MEP1A: variants seen among roughly 807,000 people sequenced by gnomAD.
MEP1A encodes N-benzoyl-L-tyrosyl-P-amino-benzoic acid hydrolase subunit alpha.
In MEP1A, 68 loss-of-function variants were observed where a neutral mutation model predicts 84.5. The observed-to-expected ratio is 0.80, with a 90% CI of 0.66 to 0.98. The LOEUF is 0.98. Among genes scored for constraint, MEP1A ranks in the 50% least tolerant of loss-of-function variants. The pLI, the probability that MEP1A is intolerant of heterozygous loss-of-function variation, is 0.00. For missense variants in MEP1A, 887 were observed against 919.9 expected, an observed-to-expected ratio of 0.96 and a Z score of 0.46; for synonymous variants, 337 against 336.8, an observed-to-expected ratio of 1.00 and a Z score of -0.01.
intron 11 of MEP1A, among the ~76,000 whole-genome samples, chr6:46,834,368 T>C (rs1415060784): frequency 6.6e-6 from 1 of 152,068 alleles, no homozygotes; most frequent in Non-Finnish European, 1.5e-5. Context: ...CATCTTTCAA[T>C]TCTGAATTGC....
intron 5 of MEP1A, among the ~76,000 whole-genome samples, chr6:46,808,934 G>C (rs1283733073): frequency 6.6e-6 from 1 of 152,038 alleles, no homozygotes; most frequent in Admixed American, 6.6e-5. Context: ...TCCAGAAAGA[G>C]AGAATGTCTT....
chr6:46,827,770 T>G (rs1468888212), intron 9 of MEP1A, among the ~76,000 whole-genome samples: 1 of 152,214 alleles, frequency 6.6e-6, no homozygotes, highest in Non-Finnish European at 1.5e-5. Flanking sequence ...ATTTCTGTTG[T>G]AGCCTCTAAT....
At chr6:46,831,842 C>T (rs553223646) in intron 10 of MEP1A, among the ~76,000 whole-genome samples, 2 of 152,262 alleles carry the variant, frequency 1.3e-5, no homozygotes, top group South Asian at 2.1e-4. Flanking sequence ...CCATGCTCTC[C>T]GCAGGAGAGG....
At chr6:46,834,375 T>C (rs967698985) in intron 11 of MEP1A, among the ~76,000 whole-genome samples, 3 of 152,054 alleles carry the variant, frequency 2.0e-5, no homozygotes, top group Admixed American at 2.0e-4. Flanking sequence ...CAATTCTGAA[T>C]TGCAATTCTC....
At chr6:46,840,868 G>A (rs1768319726), downstream of MEP1A, among the ~76,000 whole-genome samples, 1 of 152,220 alleles carries the variant, frequency 6.6e-6, no homozygotes, top group South Asian at 2.1e-4. Flanking sequence ...ATGGATTTCA[G>A]CTTTGTTTCT....
At chr6:46,830,247 TAAAAAAAAAAAAAAAAAAA>T (rs56033423) in intron 10 of MEP1A, among the ~76,000 whole-genome samples, 3 of 50,092 alleles carry the variant, frequency 6.0e-5, no homozygotes, top group Non-Finnish European at 1.1e-4. Flanking sequence ...AGACTCCATC[TAAAAAAAAAAAAAAAAAAA>T]AAAAAAAAAA....
chr6:46,809,839 T>A (rs986064359), intron 6 of MEP1A, among the ~76,000 whole-genome samples: 12 of 151,210 alleles, frequency 7.9e-5, no homozygotes, highest in African/African-American at 1.5e-4. Flanking sequence ...TTACATATAT[T>A]TTTTTTTCTT....
intron 7 of MEP1A, among the ~76,000 whole-genome samples, chr6:46,822,975 A>G (rs995976817): frequency 6.6e-6 from 1 of 152,176 alleles, no homozygotes; most frequent in Non-Finnish European, 1.5e-5. Context: ...CATTACCTCA[A>G]ATGACATCCT....
intron 13 of MEP1A, among the ~76,000 whole-genome samples, chr6:46,836,329 C>T (rs1406536730): frequency 6.6e-6 from 1 of 152,182 alleles, no homozygotes; most frequent in Non-Finnish European, 1.5e-5. Flanking sequence ...ATGACAGAAG[C>T]AACAGTTCCA....
chr6:46,815,632 T>C (rs1399670740), intron 6 of MEP1A, among the ~76,000 whole-genome samples: 3 of 152,232 alleles, frequency 2.0e-5, no homozygotes, highest in Non-Finnish European at 2.9e-5. Context: ...TCCTGGTATG[T>C]TCCTGCAGTA....
the MEP1A span, among the ~76,000 whole-genome samples, chr6:46,845,967 A>T: frequency 6.6e-6 from 1 of 152,222 alleles, no homozygotes; most frequent in Non-Finnish European, 1.5e-5. Flanking sequence ...AAAATTAAAT[A>T]AAATTATGTA....
the MEP1A span, among the ~76,000 whole-genome samples, chr6:46,844,954 A>T: frequency 6.6e-6 from 1 of 152,110 alleles, no homozygotes; most frequent in Non-Finnish European, 1.5e-5. Context: ...ATGAGAGCTG[A>T]TGTTTTTAAA....
intron 6 of MEP1A, among the ~76,000 whole-genome samples, chr6:46,812,177 A>G (rs1189353755): frequency 4.6e-5 from 7 of 152,034 alleles, no homozygotes; most frequent in South Asian, 2.1e-4. Context: ...AAGAGATTCT[A>G]TATATTCCTG....
Position 46,829,477 on chromosome 6 carries a change from G to T in MEP1A, c.1050G>T (p.Met350Ile). Residue 350 changes from methionine (M) to isoleucine (I), a missense_variant, in exon 10 of 14, where the codon ATG (methionine) becomes ATT (isoleucine). Coordinates refer to ENST00000230588, the MANE Select transcript of MEP1A (RefSeq NM_005588.3). Reference protein sequence around the residue: ...KQQCLQFFYKMTGSPSDRLVV... With the variant: ...KQQCLQFFYKITGSPSDRLVV... ...AGTGCCTGCAATTTTTCTATAAAAT[G>T]ACGGGAAGTCCTTCAGACAGACTCG... 1 of 1,614,216 alleles carries T rather than the reference G, an allele frequency of 6.2e-7. No homozygotes were observed. The highest frequency in any genetic ancestry group is 8.5e-7 in the Non-Finnish European group (1 of 1,180,032).
rs554957077 is a variant in MEP1A, at chr6:46,818,042, A to G, written c.381-1487A>G. Among the ~76,000 whole-genome samples the G allele has an allele frequency of 3.9e-5, 6 of 152,254 alleles. No homozygotes were observed. In the East Asian group the frequency reaches 1.2e-3, roughly 29 times the overall value. On this transcript the variant is annotated intron_variant, in intron 6 of 13. Transcript: ENST00000230588. Reference sequence around the variant, plus strand: ...GCAACTTATGTCTTTCTGTTGGGGGAGGAATTTAAAAAGAAAGATGAATAA... The same window carrying G: ...GCAACTTATGTCTTTCTGTTGGGGGGGGAATTTAAAAAGAAAGATGAATAA...
intron 3 of MEP1A, among the ~76,000 whole-genome samples, chr6:46,797,792 CTCTTTCTTTCTTTCTTTCTTTCTTTCTT>C (rs552272095): frequency 9.5e-5 from 13 of 136,798 alleles, no homozygotes; most frequent in East Asian, 4.4e-4. Context: ...TTCTTTCTTT[CTCTTTCTTTCTTTCTTTCTTTCTTTCTT>C]TCTTTCTTTC....
intron 5 of MEP1A, among the ~76,000 whole-genome samples, chr6:46,808,895 A>T (rs1214959987): frequency 6.6e-6 from 1 of 152,056 alleles, no homozygotes; most frequent in Non-Finnish European, 1.5e-5. Context: ...TTCAGAACCC[A>T]CAAACCTCTC....
intron 4 of MEP1A, among the ~76,000 whole-genome samples, chr6:46,798,885 T>G (rs930952673): frequency 2.0e-5 from 3 of 152,248 alleles, no homozygotes; most frequent in Non-Finnish European, 4.4e-5. Flanking sequence ...CCAGTTTTCT[T>G]GGGATTGCAG....
At chr6:46,794,609 G>T (rs559549635) in intron 3 of MEP1A, among the ~76,000 whole-genome samples, 9 of 152,256 alleles carry the variant, frequency 5.9e-5, no homozygotes, top group African/African-American at 2.2e-4. Flanking sequence ...TTCTGGCTTT[G>T]TCTCACTCAC....
Sources: gnomAD v4.1 joint callset for allele counts (sites outside exome capture counted in the v4.1 genomes callset) on GRCh38, gnomAD v4.1.1 for gene constraint, MANE v1.5 for transcripts, NCBI Gene and HGNC (gene_info 2026-07-23, HGNC 2026-07-21) for gene names.